The following GRID2 variants were observed in gnomAD, a reference collection of about 807,000 sequenced individuals.
GRID2 encodes the protein glutamate receptor ionotropic, delta-2.
In GRID2, 33 loss-of-function variants were observed where a neutral mutation model predicts 114.8. The observed-to-expected ratio is 0.29, with a 90% CI of 0.22 to 0.38. The LOEUF (loss-of-function observed/expected upper bound fraction) is 0.38, where lower values mean the gene tolerates loss of function less well. Ranked by LOEUF, GRID2 falls within the 10% of genes least tolerant of loss-of-function variation. GRID2 has a pLI of 1.00. For synonymous variants in GRID2, 505 were observed against 449.9 expected (o/e 1.12, Z -1.55); for missense variants, 1,184 against 1,257.7 (o/e 0.94, Z 0.89).
chr4:93,397,885 T>G (rs967743196), intron 9 of GRID2, among the ~76,000 whole-genome samples: 11 of 151,790 alleles, frequency 7.2e-5, no homozygotes, highest in African/African-American at 2.7e-4. Context: ...ATTTTTGTTA[T>G]TTTTATTGGG....
chr4:93,042,508 T>C (rs1228147019), intron 2 of GRID2, among the ~76,000 whole-genome samples: 1 of 148,242 alleles, frequency 6.7e-6, no homozygotes, highest in African/African-American at 2.5e-5. Flanking sequence ...AAGTGAGCTG[T>C]TTTGTAATGG....
chr4:93,685,092 AGGCAAAATGCCTCTCCT>A (rs1725956559), intron 14 of GRID2, among the ~76,000 whole-genome samples: 1 of 152,066 alleles, frequency 6.6e-6, no homozygotes, highest in Non-Finnish European at 1.5e-5. Flanking sequence ...AAGGAAAAAA[AGGCAAAATGCCTCTCCT>A]GGCTTATGAC....
intron 2 of GRID2, among the ~76,000 whole-genome samples, chr4:92,682,692 ACACACACAC>A (rs1348257087): frequency 6.2e-5 from 9 of 146,268 alleles, no homozygotes; most frequent in South Asian, 4.8e-4. Context: ...GCACACACAC[ACACACACAC>A]ACACACACAC....
At chr4:92,626,656 T>C (rs1730539575) in intron 2 of GRID2, among the ~76,000 whole-genome samples, 3 of 152,022 alleles carry the variant, frequency 2.0e-5, no homozygotes, top group African/African-American at 7.2e-5. Context: ...GACTCAGGGC[T>C]TTCCCAAGTA....
intron 8 of GRID2, among the ~76,000 whole-genome samples, chr4:93,390,129 A>G (rs1334255204): frequency 6.6e-6 from 1 of 152,214 alleles, no homozygotes; most frequent in African/African-American, 2.4e-5. Flanking sequence ...CCTTGGCTAT[A>G]CATTGGAATT....
chr4:92,979,397 C>A (rs1179962889), intron 2 of GRID2, among the ~76,000 whole-genome samples: 2 of 151,784 alleles, frequency 1.3e-5, no homozygotes, highest in Non-Finnish European at 2.9e-5. Flanking sequence ...TTTTGATACA[C>A]AGAGCAAGGA....
At chr4:93,171,604 G>T (rs1474579010) in intron 4 of GRID2, among the ~76,000 whole-genome samples, 1 of 152,140 alleles carries the variant, frequency 6.6e-6, no homozygotes, top group African/African-American at 2.4e-5. Flanking sequence ...ATAAATGTTT[G>T]TTAAATAACT....
intron 2 of GRID2, among the ~76,000 whole-genome samples, chr4:92,926,889 A>G (rs1175230625): frequency 2.0e-5 from 3 of 151,934 alleles, no homozygotes; most frequent in African/African-American, 7.2e-5. Context: ...TCATAAGGGC[A>G]GAGTCCTCAT....
chr4:92,734,591 T>G (rs2149326809), intron 2 of GRID2, among the ~76,000 whole-genome samples: 1 of 152,156 alleles, frequency 6.6e-6, no homozygotes, highest in South Asian at 2.1e-4. Context: ...GCCTTACTTT[T>G]TTTTACTTGG....
At chr4:93,744,320 G>A (rs1443089186) in intron 14 of GRID2, among the ~76,000 whole-genome samples, 3 of 152,098 alleles carry the variant, frequency 2.0e-5, no homozygotes, top group Non-Finnish European at 4.4e-5. Context: ...CAGACAATCT[G>A]GGCAAACTAA....
chr4:93,081,806 A>T (rs1221174039), intron 2 of GRID2, among the ~76,000 whole-genome samples: 1 of 152,210 alleles, frequency 6.6e-6, no homozygotes, highest in Non-Finnish European at 1.5e-5. Context: ...TATCAAATGA[A>T]CTGACTATGC....
intron 13 of GRID2, among the ~76,000 whole-genome samples, chr4:93,543,367 G>C (rs1005138842): frequency 2.0e-5 from 3 of 152,114 alleles, no homozygotes; most frequent in Non-Finnish European, 4.4e-5. Context: ...ATTTTTCTGA[G>C]TTGCCAACAG....
chr4:92,961,132 AT>A (rs562134794), intron 2 of GRID2, among the ~76,000 whole-genome samples: 107 of 152,030 alleles, frequency 7.0e-4, no homozygotes, highest in Non-Finnish European at 1.2e-3. Context: ...TTCATTTCAC[AT>A]ATACGTAAGC....
intron 14 of GRID2, among the ~76,000 whole-genome samples, chr4:93,646,191 A>G (rs549616562): frequency 6.6e-4 from 100 of 152,360 alleles, no homozygotes; most frequent in African/African-American, 2.3e-3. Flanking sequence ...AATAAATGGG[A>G]TAATTTTATA....
At chr4:92,544,015 C>T (rs985809101) in intron 1 of GRID2, among the ~76,000 whole-genome samples, 1 of 152,108 alleles carries the variant, frequency 6.6e-6, no homozygotes, top group Non-Finnish European at 1.5e-5. Context: ...GTATTTATAT[C>T]TTGAAAATTG....
At chr4:92,747,142 G>A (rs1737187189) in intron 2 of GRID2, among the ~76,000 whole-genome samples, 2 of 151,758 alleles carry the variant, frequency 1.3e-5, no homozygotes, top group Non-Finnish European at 1.5e-5. Context: ...TAGAATTAGA[G>A]GTAAAATACC....
At chr4:92,758,944 CA>C (rs1737857277) in intron 2 of GRID2, among the ~76,000 whole-genome samples, 1 of 152,084 alleles carries the variant, frequency 6.6e-6, no homozygotes, top group Non-Finnish European at 1.5e-5. Flanking sequence ...CTTCTTTCTG[CA>C]AACAAATATG....
intron 1 of GRID2, among the ~76,000 whole-genome samples, chr4:92,500,627 A>T (rs1171710609): frequency 6.6e-6 from 1 of 152,102 alleles, no homozygotes; most frequent in African/African-American, 2.4e-5. Flanking sequence ...GATTGTTGGA[A>T]TGCTTTATGT....
At chr4:93,042,661 ATC>A (rs757987396) in intron 2 of GRID2, among the ~76,000 whole-genome samples, 11 of 142,194 alleles carry the variant, frequency 7.7e-5, no homozygotes, top group African/African-American at 1.8e-4. Context: ...CTATATTTCT[ATC>A]TCTCTCTCTA....
Sources: allele counts gnomAD v4.1 joint callset (sites outside exome capture counted in the v4.1 genomes callset), GRCh38; gene constraint gnomAD v4.1.1; transcripts MANE v1.5; gene names NCBI Gene and HGNC (gene_info 2026-07-23, HGNC 2026-07-21).